The following CPXM2 variants were observed in gnomAD, a reference collection of about 807,000 sequenced individuals.
CPXM2 encodes the protein carboxypeptidase X, M14 family member 2.
CPXM2 carries 66 observed loss-of-function variants against 86.1 expected under a neutral mutation model. The observed-to-expected ratio is 0.77, with a 90% confidence interval of 0.63 to 0.94. The LOEUF is 0.94. CPXM2 is among the 40% of genes least tolerant of loss of function. The probability of loss-of-function intolerance (pLI) is 0.00; values close to 1 mark genes in which losing one functional copy is unlikely to be tolerated. For missense variants in CPXM2, 948 were observed against 1,026.3 expected, an observed-to-expected ratio of 0.92 and a Z score of 1.04; for synonymous variants, 388 against 400.2, an observed-to-expected ratio of 0.97 and a Z score of 0.36.
Position 123,746,611 on chromosome 10 carries a change from C to T in CPXM2, c.*153G>A, listed in dbSNP as rs1301963296. 11 of 713,028 alleles carry T rather than the reference C, an allele frequency of 1.5e-5. No homozygotes were observed. In the East Asian group the frequency reaches 2.8e-4, roughly 18 times the overall value. The allele number at this position is 713,028 out of a possible 1,614,324, so 44.2% of individuals were successfully genotyped here. A position where few individuals can be genotyped will look rare whatever the true frequency, so the allele number is the denominator to read the frequency against. On this transcript the variant is annotated 3_prime_UTR_variant, in exon 14 of 14. Transcript: ENST00000241305. ...AAAGAAAACAGCCTCAGCCTCCAGC[C>T]TTCCCTTTTGGGACCTGCCTCACAA...
intron 2 of CPXM2, among the ~76,000 whole-genome samples, chr10:123,925,226 G>A (rs1313993248): frequency 6.6e-6 from 1 of 152,156 alleles, no homozygotes; most frequent in Non-Finnish European, 1.5e-5. Context: ...TTCTAGCAGG[G>A]AGAAGTTCAG....
In CPXM2 at chr10:123,748,608, C is replaced by G. The variant is rs183277799; in HGVS notation, c.2018-1591G>C. ...GAAAACAGGACTCCATCTGAGAGGC[C>G]CAGGTACACGCTCAGGTGGGCGGCT... On this transcript the variant is annotated intron_variant, in intron 13 of 13. Transcript: ENST00000241305. Among the ~76,000 whole-genome samples, 404 of 151,968 alleles carry G rather than the reference C, an allele frequency of 2.7e-3. 2 individuals are homozygous for G. The highest frequency in any genetic ancestry group is 9.5e-3 in the African/African-American group (393 of 41,414).
chr10:123,864,703 GCAGACATATATAGATCATGTAC>G (rs1848939836), intron 2 of CPXM2, among the ~76,000 whole-genome samples: 1 of 152,114 alleles, frequency 6.6e-6, no homozygotes, highest in South Asian at 2.1e-4. Context: ...AGATGGACAG[GCAGACATATATAGATCATGTAC>G]CAGCTCAATA....
At chr10:123,794,319 C>A (rs1847275547) in intron 6 of CPXM2, among the ~76,000 whole-genome samples, 1 of 152,222 alleles carries the variant, frequency 6.6e-6, no homozygotes, top group East Asian at 1.9e-4. Flanking sequence ...CAAAGCCCCA[C>A]ACATTCATCA....
chr10:123,899,330 A>G (rs1368925659), intron 2 of CPXM2, among the ~76,000 whole-genome samples: 7 of 151,466 alleles, frequency 4.6e-5, no homozygotes, highest in Non-Finnish European at 8.8e-5. Context: ...GGAATACAGA[A>G]ATGGTTCAAT....
At chr10:123,795,396 A>C (rs552635191) in intron 6 of CPXM2, among the ~76,000 whole-genome samples, 1 of 152,306 alleles carries the variant, frequency 6.6e-6, no homozygotes, top group South Asian at 2.1e-4. Context: ...GAGAGTTCAC[A>C]GGAAGATAGT....
At chr10:123,899,542 C>A (rs1319002376) in intron 2 of CPXM2, among the ~76,000 whole-genome samples, 1 of 152,232 alleles carries the variant, frequency 6.6e-6, no homozygotes, top group Non-Finnish European at 1.5e-5. Context: ...TCTTGCTGGG[C>A]ATGGTGGCTC....
At chr10:123,788,971 T>C (rs1018073817) in intron 6 of CPXM2, among the ~76,000 whole-genome samples, 1 of 151,840 alleles carries the variant, frequency 6.6e-6, no homozygotes, top group Non-Finnish European at 1.5e-5. Flanking sequence ...GATTTTTCTT[T>C]ACCTGGCACA....
At chr10:123,785,950 G>A (rs1377663615) in intron 6 of CPXM2, among the ~76,000 whole-genome samples, 1 of 152,080 alleles carries the variant, frequency 6.6e-6, no homozygotes, top group Non-Finnish European at 1.5e-5. Flanking sequence ...GCTTCTTAAG[G>A]ATCACAGCTC....
chr10:123,768,490 C>T, intron 9 of CPXM2, 36 bp downstream of exon 9: 4 of 1,565,270 alleles, frequency 2.6e-6, no homozygotes, highest in Non-Finnish European at 3.5e-6. Context: ...CCTCGCTGCC[C>T]ATGTCCTATT....
chr10:123,780,383 A>G, intron 6 of CPXM2, 128 bp from the exon 7 acceptor site: 1 of 658,970 alleles, frequency 1.5e-6, no homozygotes, highest in South Asian at 1.8e-5. Flanking sequence ...TGGCTCAGAG[A>G]TGAGAAAACC....
chr10:123,760,936 A>G (rs554447983), intron 11 of CPXM2, among the ~76,000 whole-genome samples: 1 of 31,932 alleles, frequency 3.1e-5, no homozygotes, highest in East Asian at 3.8e-4. Flanking sequence ...AATATTTTGC[A>G]AATTCATCGT....
chr10:123,806,862 C>T (rs950313323), intron 4 of CPXM2, among the ~76,000 whole-genome samples: 3 of 152,128 alleles, frequency 2.0e-5, no homozygotes, highest in South Asian at 2.1e-4. Flanking sequence ...CCTCCCACCA[C>T]GTCCCTCCCC....
Position 123,857,578 on chromosome 10 carries a change from AGATGGAAGGCGGCGTGGAGATGGAAGGCG to A in CPXM2, c.513+5007_513+5035del, listed in dbSNP as rs1590072426. ...GGCGTGGAGATGGAAGGCGGCGTGG[AGATGGAAGGCGGCGTGGAGATGGAAGGCG>A]GCGTGGAGATGGAAGGCGGCGTGGA... On this transcript the variant is annotated intron_variant, in intron 3 of 13. Transcript: ENST00000241305. Among the ~76,000 whole-genome samples, 13 of 125,652 alleles carry A rather than the reference AGATGGAAGGCGGCGTGGAGATGGAAGGCG, an allele frequency of 1.0e-4. No individual in the cohort carries two copies. In the East Asian group the frequency reaches 3.9e-3, roughly 37 times the overall value. The allele number at this position is 125,652 out of a possible 152,430, so 82.4% of individuals were successfully genotyped here. A position where few individuals can be genotyped will look rare whatever the true frequency, so the allele number is the denominator to read the frequency against.
At position 123,891,295 on chromosome 10, in the gene CPXM2, C is replaced by T; in HGVS notation, c.304+61G>A. ...ACACACAATGGGAGAAGCCAGTTGT[C>T]CCCTGGAGGCGCGCAACCACCGGCG... On this transcript the variant is annotated intron_variant, in intron 1 of 13. Transcript: ENST00000241305. This position sits in a 1 kb window ranked among gnomAD's most constrained non-coding sequence, Gnocchi z 5.6. 7.4e-7 allele frequency: 1 copy of T among 1,346,062 alleles called. No homozygotes were observed. Among genetic ancestry groups the T allele is most frequent in the Non-Finnish European group, 9.9e-7 (1 of 1,006,828 alleles). 83.4% of individuals were successfully genotyped at this position (1,346,062 alleles called of 1,614,324 possible).
At chr10:123,838,984 C>CT (rs1219605908) in intron 4 of CPXM2, among the ~76,000 whole-genome samples, 3 of 152,182 alleles carry the variant, frequency 2.0e-5, no homozygotes, top group Non-Finnish European at 4.4e-5. Context: ...GCAGCTTTCT[C>CT]TGTCTATATT....
rs1332101536 is a variant in CPXM2, at chr10:123,891,224, G to A, written c.304+132C>T. 2 of 741,770 alleles carry A rather than the reference G, an allele frequency of 2.7e-6. No individual in the cohort carries two copies. Among genetic ancestry groups the A allele is most frequent in the East Asian group, 3.0e-5 (1 of 32,864 alleles). 45.9% of individuals were successfully genotyped at this position (741,770 alleles called of 1,614,324 possible). ...AAGCGCAGATACAGTCCCTAGGGAGGCAGAGGCGGCAACAGGGAGATTCCC... is the reference window on the plus strand; with the variant it reads ...AAGCGCAGATACAGTCCCTAGGGAGACAGAGGCGGCAACAGGGAGATTCCC... On this transcript the variant is annotated intron_variant, in intron 1 of 13. Transcript: ENST00000241305. The surrounding 1 kb of genome is among the most constrained non-coding windows in gnomAD (Gnocchi z 5.6).
upstream of CPXM2, among the ~76,000 whole-genome samples, chr10:123,896,626 C>A (rs1945340360): frequency 6.6e-6 from 1 of 152,234 alleles, no homozygotes; most frequent in African/African-American, 2.4e-5. Context: ...CTATTGCCTC[C>A]ACTCTGTGGT....
intron 4 of CPXM2, among the ~76,000 whole-genome samples, chr10:123,826,489 T>C (rs920138411): frequency 1.3e-5 from 2 of 152,074 alleles, no homozygotes; most frequent in African/African-American, 4.8e-5. Flanking sequence ...TGGTAATGAA[T>C]CAGCTAAAAT....
Sources: gnomAD v4.1 joint callset for allele counts (sites outside exome capture counted in the v4.1 genomes callset) on GRCh38, gnomAD v4.1.1 for gene constraint, Gnocchi (gnomAD v3.1) non-coding constraint, MANE v1.5 for transcripts, NCBI Gene and HGNC (gene_info 2026-07-23, HGNC 2026-07-21) for gene names.